Variants in UBE3B observed in about 807,000 individuals in gnomAD.
UBE3B encodes the protein ubiquitin-protein ligase E3B.
UBE3B carries 80 observed loss-of-function variants against 132.3 expected under a neutral mutation model. The observed-to-expected ratio is 0.60, with a 90% CI of 0.50 to 0.73. The LOEUF (loss-of-function observed/expected upper bound fraction) is 0.73. Ranked by LOEUF, UBE3B falls within the 30% of genes least tolerant of loss-of-function variation. The pLI is 0.00. For missense variants in UBE3B, 1,196 were observed against 1,362.5 expected, an observed-to-expected ratio of 0.88 and a Z score of 1.92; for synonymous variants, 487 against 520.4, an observed-to-expected ratio of 0.94 and a Z score of 0.87.
At chr12:109,524,542 C>A in intron 23 of UBE3B, 39 bp downstream of exon 23, 2 of 1,605,502 alleles carry the variant, frequency 1.2e-6, no homozygotes, top group East Asian at 4.5e-5. Context: ...TTCCACTGCC[C>A]CCATGGGCTC....
intron 17 of UBE3B, among the ~76,000 whole-genome samples, 156 bp from the exon 18 acceptor site, chr12:109,511,048 C>T (rs966124121): frequency 6.6e-6 from 1 of 152,218 alleles, no homozygotes. Context: ...CTGCCATAGG[C>T]TATACATGTA....
chr12:109,533,593 C>T (rs1281603648), intron 27 of UBE3B, 35 bp downstream of exon 27: 3 of 1,569,652 alleles, frequency 1.9e-6, no homozygotes, highest in Non-Finnish European at 8.7e-7. Context: ...AGAGCCTTGA[C>T]TTCCCTCTTG....
chr12:109,527,019 GCA>G (rs1333328898), intron 24 of UBE3B, among the ~76,000 whole-genome samples: 1 of 152,138 alleles, frequency 6.6e-6, no homozygotes, highest in Admixed American at 6.6e-5. Context: ...GAGCCATTCA[GCA>G]CACTGTCCTG....
In UBE3B at chr12:109,534,163, C is replaced by T; in HGVS notation, c.3016-428C>T. The T allele has an allele frequency of 1.6e-6, 2 of 1,268,506 alleles. No homozygotes were observed. The highest frequency in any genetic ancestry group is 2.0e-6 in the Non-Finnish European group (2 of 981,824). 78.6% of individuals were successfully genotyped at this position (1,268,506 alleles called of 1,614,324 possible). ...TGATGCCACCTTGTACAGGAAGCTA[C>T]ACAGTCCTCGGCCTCCATGCTTAAG... On this transcript the variant is annotated intron_variant, in intron 27 of 27. Transcript: ENST00000342494. The surrounding 1 kb of genome is among the most constrained non-coding windows in gnomAD (Gnocchi z 5.2).
At chr12:109,541,208 T>G (rs1883603934), downstream of UBE3B, among the ~76,000 whole-genome samples, 1 of 152,188 alleles carries the variant, frequency 6.6e-6, no homozygotes, top group African/African-American at 2.4e-5. Flanking sequence ...GCTAGGATCC[T>G]GCAGGCAGCA....
downstream of UBE3B, among the ~76,000 whole-genome samples, chr12:109,541,160 G>C (rs1271270338): frequency 1.3e-5 from 2 of 152,244 alleles, no homozygotes; most frequent in African/African-American, 4.8e-5. Context: ...CCTTCAGCTA[G>C]GGTCCCCTCA....
At chr12:109,507,419 C>G in intron 14 of UBE3B, 145 bp from the exon 15 acceptor site, 2 of 863,094 alleles carry the variant, frequency 2.3e-6, no homozygotes, top group Non-Finnish European at 1.8e-6. Context: ...GGTGATAATG[C>G]TTTTCTCCAT....
intron 24 of UBE3B, among the ~76,000 whole-genome samples, chr12:109,529,127 C>T (rs10850338): frequency 0.23 from 34,787 of 152,148 alleles, 4,228 homozygotes; most frequent in Middle Eastern, 0.28. Context: ...CACCACTGCA[C>T]TCCAGCCTGG....
At chr12:109,490,920 C>T in intron 8 of UBE3B, 125 bp from the exon 9 acceptor site, 1 of 1,163,828 alleles carries the variant, frequency 8.6e-7, no homozygotes, top group East Asian at 2.6e-5. Flanking sequence ...TAGGTACAAG[C>T]CACCATGCCT....
chr12:109,511,099 C>CA, intron 17 of UBE3B, 105 bp from the exon 18 acceptor site: 1 of 963,666 alleles, frequency 1.0e-6, no homozygotes, highest in Non-Finnish European at 1.6e-6. Flanking sequence ...TCTTGAGAAA[C>CA]AGACAGCACC....
At chr12:109,524,230 G>GCAACA in intron 22 of UBE3B, 115 bp downstream of exon 22, 1 of 1,471,890 alleles carries the variant, frequency 6.8e-7, no homozygotes, top group Non-Finnish European at 9.2e-7. Context: ...AGCTGCTACA[G>GCAACA]GCCCCTCACA....
chr12:109,485,895 G>A, intron 4 of UBE3B, 117 bp from the exon 5 acceptor site: 1 of 1,082,850 alleles, frequency 9.2e-7, no homozygotes. Flanking sequence ...GTGATTATGT[G>A]TGAATCACCT....
chr12:109,477,765 G>A lies in UBE3B; in HGVS notation c.-472G>A, dbSNP rs28384415. 2.7e-4 allele frequency: 46 copies of A among 168,648 alleles called. 4 individuals carry two copies. In the East Asian group the frequency reaches 8.2e-3, roughly 30 times the overall value. 10.4% of individuals were successfully genotyped at this position (168,648 alleles called of 1,614,324 possible). On this transcript the variant is annotated 5_prime_UTR_variant, in exon 1 of 28. Transcript: ENST00000342494. ...GTGCGGGGACCTCCGGCGAATAAAG[G>A]TCGGCCTGCGGGTAGGCCGGTAGGG...
chr12:109,499,707 A>G lies in UBE3B; in HGVS notation c.1015A>G (p.Thr339Ala). Residue 339 changes from threonine (T) to alanine (A), a missense_variant, in exon 12 of 28, where the codon ACC becomes GCC. Transcript: ENST00000342494. ...GACAGATGGGTTCGTGAGTTTGCTCACCCAGACGCTGTGCTACTGTCGGAA... is the reference window on the plus strand; with the variant it reads ...GACAGATGGGTTCGTGAGTTTGCTCGCCCAGACGCTGTGCTACTGTCGGAA... ...EETDGFVSLL[T>A]QTLCYCRKYV... 1 of 1,613,502 alleles carries G rather than the reference A, an allele frequency of 6.2e-7. No individual in the cohort carries two copies. Among genetic ancestry groups the G allele is most frequent in the Non-Finnish European group, 8.5e-7 (1 of 1,179,674 alleles).
In UBE3B at chr12:109,503,197, A is replaced by G; in HGVS notation, c.1450+7A>G. 1 of 1,613,860 alleles carries G rather than the reference A, an allele frequency of 6.2e-7. No homozygotes were observed. On this transcript the variant is annotated splice_region_variant and intron_variant, in intron 14 of 27. Coordinates refer to ENST00000342494, the MANE Select transcript of UBE3B (RefSeq NM_130466.4). ...CGGCTGCAGATACTCACAGGTTCGCAGTCCCCAGGGCATCTTCTTCACCTC... is the reference window on the plus strand; with the variant it reads ...CGGCTGCAGATACTCACAGGTTCGCGGTCCCCAGGGCATCTTCTTCACCTC...
chr12:109,490,397 G>A, intron 8 of UBE3B: 2 of 1,519,364 alleles, frequency 1.3e-6, no homozygotes, highest in Non-Finnish European at 1.8e-6. Context: ...ATACCTCTAG[G>A]GAATTGTTGA....
chr12:109,487,707 A>G (rs1273915833), intron 6 of UBE3B, among the ~76,000 whole-genome samples: 1 of 152,198 alleles, frequency 6.6e-6, no homozygotes. Flanking sequence ...TGGACAAACA[A>G]AAAAAGTTTA....
chr12:109,508,495 G>A (rs897636328), intron 15 of UBE3B: 42 of 984,632 alleles, frequency 4.3e-5, no homozygotes, highest in Admixed American at 1.2e-4. Context: ...CATCTTGTGT[G>A]TTTGGTATTC....
chr12:109,507,446 C>T, intron 14 of UBE3B, 118 bp from the exon 15 acceptor site: 1 of 1,120,716 alleles, frequency 8.9e-7, no homozygotes, highest in Non-Finnish European at 1.3e-6. Flanking sequence ...ACCTTCTTTT[C>T]ACGCACATTA....
Sources: gnomAD v4.1 joint callset for allele counts (sites outside exome capture counted in the v4.1 genomes callset) on GRCh38, gnomAD v4.1.1 for gene constraint, Gnocchi (gnomAD v3.1) non-coding constraint, MANE v1.5 for transcripts, NCBI Gene and HGNC (gene_info 2026-07-23, HGNC 2026-07-21) for gene names.